Variants in CCDC91 observed in about 807,000 individuals in gnomAD.
CCDC91 encodes the protein coiled-coil domain-containing protein 91.
A neutral mutation model predicts 63.2 loss-of-function variants in CCDC91; 48 were observed. That is an observed-to-expected ratio of 0.76 (90% confidence interval 0.60 to 0.97). The LOEUF (loss-of-function observed/expected upper bound fraction) is 0.97, where lower values mean the gene tolerates loss of function less well. Among genes scored for constraint, CCDC91 ranks in the 50% least tolerant of loss-of-function variants. CCDC91 has a pLI of 0.00. For synonymous variants in CCDC91, 167 were observed against 165.8 expected (o/e 1.01, Z -0.06); for missense variants, 500 against 494.6 (o/e 1.01, Z -0.10).
intron 8 of CCDC91, among the ~76,000 whole-genome samples, chr12:28,401,782 T>C (rs750031941): frequency 1.2e-4 from 18 of 152,238 alleles, no homozygotes; most frequent in Non-Finnish European, 2.4e-4. Context: ...TTTTTAATGT[T>C]GTATGTAAGA....
At chr12:28,208,424 A>T (rs1008483812) in intron 1 of CCDC91, among the ~76,000 whole-genome samples, 6 of 152,198 alleles carry the variant, frequency 3.9e-5, no homozygotes, top group Non-Finnish European at 7.4e-5. Flanking sequence ...TATAACTTGG[A>T]GACTAAACAT....
intron 12 of CCDC91, among the ~76,000 whole-genome samples, chr12:28,494,989 T>C (rs1952203025): frequency 6.6e-6 from 1 of 151,768 alleles, no homozygotes; most frequent in Admixed American, 6.6e-5. Context: ...AGATGGAAAC[T>C]TCATTCACCA....
At chr12:28,289,051 T>A (rs1949066005) in intron 3 of CCDC91, among the ~76,000 whole-genome samples, 1 of 152,142 alleles carries the variant, frequency 6.6e-6, no homozygotes, top group Non-Finnish European at 1.5e-5. Context: ...TTTCTAATTG[T>A]GTTTATTTGG....
chr12:28,404,983 C>G lies in CCDC91; in HGVS notation c.762+13572C>G, dbSNP rs568731401. The stretch of plus-strand genomic sequence containing the variant: ...GGTGTTTTTAGACCATTGACATTTA[C>G]AATAGACCATTGACATTTACAATGA... On this transcript the variant is annotated intron_variant, in intron 8 of 12. Coordinates refer to ENST00000536442, the MANE Select transcript of CCDC91 (RefSeq NM_018318.5). Among the ~76,000 whole-genome samples, 11 of 152,120 alleles carry G rather than the reference C, an allele frequency of 7.2e-5. No individual in the cohort carries two copies. The East Asian group carries it at 1.9e-3, about 27-fold the overall frequency.
intron 6 of CCDC91, among the ~76,000 whole-genome samples, chr12:28,345,434 A>C (rs1242206526): frequency 1.3e-5 from 2 of 151,966 alleles, no homozygotes; most frequent in Non-Finnish European, 2.9e-5. Context: ...GTGTTTTCTG[A>C]CCTTTTACTA....
At chr12:28,516,821 T>A (rs569408864) in intron 12 of CCDC91, among the ~76,000 whole-genome samples, 1 of 151,978 alleles carries the variant, frequency 6.6e-6, no homozygotes, top group South Asian at 2.1e-4. Context: ...GTAATGACAT[T>A]AGTTATCCCT....
chr12:28,490,500 C>CG lies in CCDC91; in HGVS notation c.1215+6335_1215+6336insG, dbSNP rs1951941736. 5.3e-5 allele frequency among the ~76,000 whole-genome samples: 8 copies of CG among 151,794 alleles called. No homozygotes were observed. The South Asian group carries it at 1.7e-3, about 31-fold the overall frequency. On this transcript the variant is annotated intron_variant, in intron 12 of 12. Coordinates refer to ENST00000536442, the MANE Select transcript of CCDC91 (RefSeq NM_018318.5). ...TATCCATTTCAGGTGGCACAATAAACAAATGGAAAAATATTTGGATTTAGA... is the reference window on the plus strand; with the variant it reads ...TATCCATTTCAGGTGGCACAATAAACGAAATGGAAAAATATTTGGATTTAGA...
At chr12:28,272,204 A>G (rs1031386177) in intron 3 of CCDC91, among the ~76,000 whole-genome samples, 7 of 151,988 alleles carry the variant, frequency 4.6e-5, no homozygotes, top group Non-Finnish European at 8.8e-5. Context: ...GTGATATACT[A>G]CATAAAGATA....
chr12:28,263,617 A>G (rs1055506730), intron 3 of CCDC91, among the ~76,000 whole-genome samples: 4 of 151,974 alleles, frequency 2.6e-5, no homozygotes, highest in African/African-American at 9.7e-5. Context: ...GGTTGCTTCT[A>G]CCTTTGACTA....
intron 3 of CCDC91, among the ~76,000 whole-genome samples, chr12:28,286,877 T>G (rs1948945350): frequency 6.6e-6 from 1 of 152,232 alleles, no homozygotes; most frequent in African/African-American, 2.4e-5. Context: ...CAGCATCTAT[T>G]ATTTTTTTGA....
intron 8 of CCDC91, among the ~76,000 whole-genome samples, chr12:28,441,601 A>G (rs991181006): frequency 4.8e-4 from 31 of 64,546 alleles, no homozygotes; most frequent in African/African-American, 2.1e-3. Flanking sequence ...GTGTGTATGT[A>G]TACATATATA....
rs866600333 is a variant in CCDC91 at position 28,261,850 on chromosome 12, C to T, written c.109+2408C>T. Among the ~76,000 whole-genome samples, 4 of 151,980 alleles carry T rather than the reference C, an allele frequency of 2.6e-5. No individual in the cohort carries two copies. The Middle Eastern group carries it at 0.01, about 388-fold the overall frequency. On this transcript the variant is annotated intron_variant, in intron 3 of 12. Transcript: ENST00000536442. ...GCACACACACACATGCACACACTCA[C>T]ACTCACACACTCTTTTTTCCCTCAC...
intron 8 of CCDC91, among the ~76,000 whole-genome samples, chr12:28,421,395 G>T (rs1283192085): frequency 2.0e-5 from 3 of 151,820 alleles, no homozygotes; most frequent in Non-Finnish European, 1.5e-5. Context: ...GGTGTCTATT[G>T]TTCCCTTCTT....
At chr12:28,504,253 TAAG>T (rs891581331) in intron 12 of CCDC91, among the ~76,000 whole-genome samples, 1 of 151,880 alleles carries the variant, frequency 6.6e-6, no homozygotes, top group African/African-American at 2.4e-5. Flanking sequence ...AGCACTCTAG[TAAG>T]AAGAAAGTTT....
chr12:28,518,510 T>C lies in CCDC91; in HGVS notation c.1216-30553T>C, dbSNP rs1010020522. ...TTTTTGATGGGATTCTTTGTTTTTT[T>C]CTTACTAATTTTTTTGAGTTGGTGG... is the stretch of plus-strand genomic sequence containing the variant. On this transcript the variant is annotated intron_variant, in intron 12 of 12. Transcript: ENST00000536442. Among the ~76,000 whole-genome samples the C allele has an allele frequency of 3.9e-5, 6 of 152,190 alleles. No individual in the cohort carries two copies. In the Middle Eastern group the frequency reaches 0.014, roughly 345 times the overall value.
intron 8 of CCDC91, among the ~76,000 whole-genome samples, chr12:28,415,349 G>C (rs189576941): frequency 3.0e-4 from 46 of 151,608 alleles, no homozygotes; most frequent in Admixed American, 5.3e-4. Context: ...TCAGCCTCCC[G>C]AGTAGCTGGG....
chr12:28,454,422 A>G (rs1239622613), intron 11 of CCDC91, among the ~76,000 whole-genome samples: 6 of 152,098 alleles, frequency 3.9e-5, no homozygotes, highest in Non-Finnish European at 4.4e-5. Flanking sequence ...TGGTGTTCCA[A>G]TGCTTGCAGA....
chr12:28,274,315 G>A (rs1479083647), intron 3 of CCDC91, among the ~76,000 whole-genome samples: 1 of 152,124 alleles, frequency 6.6e-6, no homozygotes, highest in Non-Finnish European at 1.5e-5. Context: ...GATTGACTTG[G>A]TGATGCAGGC....
intron 6 of CCDC91, among the ~76,000 whole-genome samples, chr12:28,358,008 G>C (rs758000458): frequency 2.6e-5 from 4 of 152,122 alleles, no homozygotes; most frequent in Non-Finnish European, 5.9e-5. Flanking sequence ...TGGACAGACT[G>C]TTGTGTCACA....
Sources: gnomAD v4.1 joint callset for allele counts (sites outside exome capture counted in the v4.1 genomes callset) on GRCh38, gnomAD v4.1.1 for gene constraint, MANE v1.5 for transcripts, NCBI Gene and HGNC (gene_info 2026-07-23, HGNC 2026-07-21) for gene names.